Variants in PPP2R2C observed in about 807,000 individuals in gnomAD.
PPP2R2C encodes protein phosphatase 2 regulatory subunit Bgamma, also known as protein phosphatase 2, regulatory subunit B, gamma.
A neutral mutation model predicts 45.3 loss-of-function variants in PPP2R2C; 10 were observed. The observed-to-expected ratio is 0.22, with a 90% CI of 0.14 to 0.37. PPP2R2C has a LOEUF of 0.37. Among genes scored for constraint, PPP2R2C ranks in the 10% least tolerant of loss-of-function variants. PPP2R2C has a pLI of 1.00. For missense variants in PPP2R2C, 308 were observed against 619.7 expected, an observed-to-expected ratio of 0.50 and a Z score of 5.34; for synonymous variants, 257 against 245.4, an observed-to-expected ratio of 1.05 and a Z score of -0.44.
At chr4:6,515,295 C>G (rs1472960735) in intron 2 of PPP2R2C, among the ~76,000 whole-genome samples, 8 of 152,194 alleles carry the variant, frequency 5.3e-5, no homozygotes, top group African/African-American at 1.9e-4. Context: ...TCTCATAGAA[C>G]CAGAACCTTC....
intron 1 of PPP2R2C, among the ~76,000 whole-genome samples, chr4:6,411,304 C>T (rs1254090859): frequency 6.6e-6 from 1 of 152,190 alleles, no homozygotes; most frequent in Non-Finnish European, 1.5e-5. Flanking sequence ...TTGCACCTTT[C>T]AGCCCCACTA....
At chr4:6,407,564 AT>A (rs374355980) in intron 1 of PPP2R2C, among the ~76,000 whole-genome samples, 14 of 151,708 alleles carry the variant, frequency 9.2e-5, no homozygotes, top group African/African-American at 3.4e-4. Flanking sequence ...CCGGCTAATT[AT>A]TTTTTTTGTA....
At chr4:6,437,918 A>G (rs561182005) in intron 1 of PPP2R2C, among the ~76,000 whole-genome samples, 2 of 152,280 alleles carry the variant, frequency 1.3e-5, no homozygotes, top group African/African-American at 4.8e-5. Context: ...CTTAGAAGGG[A>G]GGGGATAGAA....
chr4:6,402,681 G>C (rs908290926), intron 1 of PPP2R2C, among the ~76,000 whole-genome samples: 3 of 152,234 alleles, frequency 2.0e-5, no homozygotes, highest in African/African-American at 7.2e-5. Flanking sequence ...CATGGCCAGG[G>C]CTGCGATGGA....
At chr4:6,534,345 A>G (rs929578636) in intron 2 of PPP2R2C, among the ~76,000 whole-genome samples, 2 of 148,394 alleles carry the variant, frequency 1.3e-5, no homozygotes, top group Non-Finnish European at 3.0e-5. Context: ...ACACACATCA[A>G]TGCCACACAT....
At chr4:6,542,974 A>G (rs1724854659) in intron 1 of PPP2R2C, among the ~76,000 whole-genome samples, 1 of 152,272 alleles carries the variant, frequency 6.6e-6, no homozygotes, top group Non-Finnish European at 1.5e-5. Flanking sequence ...CAGGAAAAAA[A>G]GCAGGGAGGC....
chr4:6,343,712 A>G (rs1560461528), intron 6 of PPP2R2C, among the ~76,000 whole-genome samples: 1 of 152,060 alleles, frequency 6.6e-6, no homozygotes, highest in Non-Finnish European at 1.5e-5. Context: ...TCTAAAAAAA[A>G]AGAAAAAAAT....
intron 1 of PPP2R2C, among the ~76,000 whole-genome samples, chr4:6,535,591 G>A (rs1287533772): frequency 6.6e-6 from 1 of 152,186 alleles, no homozygotes; most frequent in East Asian, 1.9e-4. Flanking sequence ...CTGTGAAATG[G>A]GGACGACACA....
chr4:6,454,852 C>T (rs1415464490), intron 1 of PPP2R2C, among the ~76,000 whole-genome samples: 1 of 152,186 alleles, frequency 6.6e-6, no homozygotes, highest in East Asian at 1.9e-4. Context: ...AATGTGATCA[C>T]CAACATGTCA....
In PPP2R2C at chr4:6,324,645, C is replaced by T. The variant is rs752402822; in HGVS notation, c.1053-1052G>A. ...AACAAACATGCATCGCCATGAGGGT[C>T]GGGGCGAGCAGTGCTGACGTGCAGG... On this transcript the variant is annotated intron_variant, in intron 8 of 8. Transcript: ENST00000382599. The surrounding 1 kb of genome is among the most constrained non-coding windows in gnomAD (Gnocchi z 4.1). 2.0e-5 allele frequency among the ~76,000 whole-genome samples: 3 copies of T among 152,206 alleles called. No homozygotes were observed. Among genetic ancestry groups the T allele is most frequent in the Non-Finnish European group, 2.9e-5 (2 of 68,036 alleles).
intron 1 of PPP2R2C, among the ~76,000 whole-genome samples, chr4:6,433,953 G>A (rs1719755167): frequency 6.6e-6 from 1 of 152,168 alleles, no homozygotes; most frequent in South Asian, 2.1e-4. Context: ...GCACAAAAAA[G>A]CTAACAGTGA....
intron 2 of PPP2R2C, among the ~76,000 whole-genome samples, chr4:6,524,811 G>T (rs181834575): frequency 6.6e-6 from 1 of 152,180 alleles, no homozygotes; most frequent in Non-Finnish European, 1.5e-5. Flanking sequence ...AAAATAGGCC[G>T]GGCACAGTGG....
At chr4:6,557,459 G>A (rs531013117) in intron 1 of PPP2R2C, among the ~76,000 whole-genome samples, 1 of 152,336 alleles carries the variant, frequency 6.6e-6, no homozygotes, top group South Asian at 2.1e-4. Context: ...CTCCCTGGGT[G>A]GGACGTATTT....
chr4:6,348,559 T>C (rs967349710), intron 5 of PPP2R2C: 6 of 839,754 alleles, frequency 7.1e-6, no homozygotes, highest in South Asian at 5.5e-5. Context: ...AGTATGGAGA[T>C]TCTCCTTTGG....
chr4:6,395,923 C>T (rs1426128184), intron 1 of PPP2R2C, among the ~76,000 whole-genome samples: 1 of 152,174 alleles, frequency 6.6e-6, no homozygotes, highest in African/African-American at 2.4e-5. Flanking sequence ...GGCTTATGGG[C>T]CCCCTGCAGG....
chr4:6,357,857 G>A (rs992414161), intron 5 of PPP2R2C, among the ~76,000 whole-genome samples: 6 of 152,172 alleles, frequency 3.9e-5, no homozygotes, highest in South Asian at 4.1e-4. Flanking sequence ...CATCCCTTCC[G>A]AGGACACAGG....
intron 1 of PPP2R2C, among the ~76,000 whole-genome samples, chr4:6,545,788 A>G (rs529758112): frequency 1.3e-5 from 2 of 152,370 alleles, no homozygotes; most frequent in East Asian, 3.9e-4. Flanking sequence ...AGGTAAACAC[A>G]GTAAGGCAAC....
chr4:6,361,849 G>T (rs1438114430), intron 5 of PPP2R2C, among the ~76,000 whole-genome samples: 4 of 152,230 alleles, frequency 2.6e-5, no homozygotes, highest in African/African-American at 4.8e-5. Context: ...TCCCAGCCTG[G>T]CAGGGAAGCA....
intron 1 of PPP2R2C, among the ~76,000 whole-genome samples, chr4:6,416,415 G>C (rs1337059729): frequency 6.6e-6 from 1 of 152,214 alleles, no homozygotes; most frequent in African/African-American, 2.4e-5. Context: ...CTCAGAGGCA[G>C]TCCATCAGCA....
Sources: allele counts gnomAD v4.1 joint callset (sites outside exome capture counted in the v4.1 genomes callset), GRCh38; gene constraint gnomAD v4.1.1; non-coding constraint Gnocchi (gnomAD v3.1); transcripts MANE v1.5; gene names NCBI Gene and HGNC (gene_info 2026-07-23, HGNC 2026-07-21).